The following C10orf90 variants were observed in gnomAD, a reference collection of about 807,000 sequenced individuals.
The protein encoded by C10orf90 is (E2-independent) E3 ubiquitin-conjugating enzyme FATS.
Under a neutral mutation model 62.5 loss-of-function variants are expected in C10orf90, and 56 were observed. The ratio of observed to expected loss-of-function variants is 0.90; its 90% CI spans 0.72 to 1.12. C10orf90 has a LOEUF of 1.12. Ranked by LOEUF, C10orf90 falls within the 50% of genes most tolerant of loss-of-function variation. C10orf90 has a pLI of 0.00. For synonymous variants in C10orf90, 386 were observed against 340.4 expected (o/e 1.13, Z -1.47); for missense variants, 970 against 880.4 (o/e 1.10, Z -1.29).
intron 4 of C10orf90, among the ~76,000 whole-genome samples, chr10:126,481,962 G>A (rs968009055): frequency 1.5e-4 from 23 of 152,210 alleles, no homozygotes; most frequent in Admixed American, 1.4e-3. Context: ...ATACCTAGGA[G>A]GAAGAAATGC....
intron 7 of C10orf90, among the ~76,000 whole-genome samples, chr10:126,434,661 A>C (rs949413155): frequency 3.3e-5 from 5 of 152,182 alleles, no homozygotes; most frequent in African/African-American, 1.2e-4. Context: ...ATCTCCTACT[A>C]AAGATTGGAC....
chr10:126,561,600 C>T (rs1864900381), intron 2 of C10orf90, among the ~76,000 whole-genome samples: 1 of 152,126 alleles, frequency 6.6e-6, no homozygotes, highest in South Asian at 2.1e-4. Context: ...GCTGCAGGAG[C>T]CACAGAAAGT....
intron 2 of C10orf90, among the ~76,000 whole-genome samples, chr10:126,633,278 C>T (rs1845885503): frequency 6.6e-6 from 1 of 152,226 alleles, no homozygotes; most frequent in African/African-American, 2.4e-5. Context: ...CCTAGGACAT[C>T]CCAGGGCCAC....
chr10:126,571,549 G>T (rs535585286), intron 2 of C10orf90, among the ~76,000 whole-genome samples: 1 of 152,332 alleles, frequency 6.6e-6, no homozygotes, highest in African/African-American at 2.4e-5. Context: ...CATGAATAAT[G>T]AATATACTCT....
At chr10:126,505,354 G>A (rs1309523737) in intron 3 of C10orf90, among the ~76,000 whole-genome samples, 1 of 152,180 alleles carries the variant, frequency 6.6e-6, no homozygotes, top group Non-Finnish European at 1.5e-5. Context: ...TTTATCTAAT[G>A]ATGTGTCAAC....
intron 2 of C10orf90, among the ~76,000 whole-genome samples, chr10:126,623,184 A>C (rs1276918383): frequency 6.6e-6 from 1 of 152,122 alleles, no homozygotes. Flanking sequence ...CCCTGCTCAA[A>C]ATCTTTCTTG....
intron 2 of C10orf90, among the ~76,000 whole-genome samples, chr10:126,571,160 G>A (rs1029575846): frequency 1.3e-5 from 2 of 152,252 alleles, no homozygotes; most frequent in African/African-American, 4.8e-5. Context: ...CAGCCAGTGA[G>A]AGCAATGCAC....
intron 3 of C10orf90, among the ~76,000 whole-genome samples, chr10:126,505,950 G>A (rs192592847): frequency 2.3e-4 from 35 of 152,170 alleles, no homozygotes; most frequent in Admixed American, 1.2e-3. Context: ...GTGAAACTTC[G>A]TCTCTCTCAC....
intron 2 of C10orf90, among the ~76,000 whole-genome samples, chr10:126,634,472 T>C (rs1320158166): frequency 6.6e-6 from 1 of 152,158 alleles, no homozygotes; most frequent in Non-Finnish European, 1.5e-5. Context: ...CAGGGAAACA[T>C]GAAGACTTAA....
intron 7 of C10orf90, among the ~76,000 whole-genome samples, chr10:126,436,161 A>C (rs1390144963): frequency 6.6e-6 from 1 of 152,126 alleles, no homozygotes; most frequent in Non-Finnish European, 1.5e-5. Context: ...AGAGACTCTC[A>C]AACTAACCAG....
chr10:126,534,189 G>A (rs1278022823), intron 2 of C10orf90, among the ~76,000 whole-genome samples: 2 of 152,186 alleles, frequency 1.3e-5, no homozygotes, highest in Admixed American at 1.3e-4. Flanking sequence ...CACAGCCAGG[G>A]TGCAGAACCC....
At chr10:126,614,721 C>T (rs997479696) in intron 2 of C10orf90, among the ~76,000 whole-genome samples, 4 of 152,134 alleles carry the variant, frequency 2.6e-5, no homozygotes, top group South Asian at 2.1e-4. Context: ...TAGAGAGGGG[C>T]GTTGCTCGAT....
intron 2 of C10orf90, among the ~76,000 whole-genome samples, chr10:126,545,987 A>G (rs1564865753): frequency 1.3e-5 from 2 of 152,108 alleles, no homozygotes; most frequent in Non-Finnish European, 2.9e-5. Context: ...CTAGCTATGG[A>G]CCTCGAGACC....
intron 2 of C10orf90, among the ~76,000 whole-genome samples, chr10:126,566,433 G>C (rs543601785): frequency 6.6e-6 from 1 of 152,276 alleles, no homozygotes; most frequent in South Asian, 2.1e-4. Context: ...AAAACATCAA[G>C]AATTACCGCC....
chr10:126,632,063 G>T (rs1306483597), intron 2 of C10orf90, among the ~76,000 whole-genome samples: 1 of 152,044 alleles, frequency 6.6e-6, no homozygotes, highest in African/African-American at 2.4e-5. Context: ...AAGAGATGAG[G>T]AAATTTCCAA....
At chr10:126,513,087 T>C (rs543221760) in intron 3 of C10orf90, among the ~76,000 whole-genome samples, 2 of 152,356 alleles carry the variant, frequency 1.3e-5, no homozygotes, top group African/African-American at 4.8e-5. Context: ...CTGTGACAGA[T>C]AGCAGATGCC....
intron 2 of C10orf90, among the ~76,000 whole-genome samples, chr10:126,633,435 GGCC>G (rs1414636514): frequency 6.6e-6 from 1 of 152,248 alleles, no homozygotes; most frequent in African/African-American, 2.4e-5. Context: ...TGATGAACAT[GGCC>G]AAGGCCAAGG....
rs546774201 is a variant in C10orf90, at chr10:126,533,279, A to G, written c.314-19340T>C. On this transcript the variant is annotated intron_variant, in intron 2 of 9. Coordinates refer to ENST00000488181, the MANE Select transcript of C10orf90 (RefSeq NM_001350921.2). ...TCACATCAACCCAGTGGGACTTTCAACAGTATACTTGTGGGCTTCTCTCTT... is the reference window on the plus strand; with the variant it reads ...TCACATCAACCCAGTGGGACTTTCAGCAGTATACTTGTGGGCTTCTCTCTT... Among the ~76,000 whole-genome samples, 142 of 152,232 alleles carry G rather than the reference A, an allele frequency of 9.3e-4. 6 individuals carry two copies. The South Asian group carries it at 0.025, about 27-fold the overall frequency.
chr10:126,545,057 T>G (rs559486590), intron 2 of C10orf90, among the ~76,000 whole-genome samples: 1 of 152,334 alleles, frequency 6.6e-6, no homozygotes, highest in Admixed American at 6.5e-5. Context: ...AACCTGTGCC[T>G]GAAAATAAGC....
Sources: gnomAD v4.1 joint callset for allele counts (sites outside exome capture counted in the v4.1 genomes callset) on GRCh38, gnomAD v4.1.1 for gene constraint, MANE v1.5 for transcripts, NCBI Gene and HGNC (gene_info 2026-07-23, HGNC 2026-07-21) for gene names.